BRINP3: variants seen among roughly 807,000 people sequenced by gnomAD.
The protein encoded by BRINP3 is BMP/retinoic acid-inducible neural-specific protein 3.
A neutral mutation model predicts 71.0 loss-of-function variants in BRINP3; 19 were observed. That is an observed-to-expected ratio of 0.27 (90% CI 0.19 to 0.39). The LOEUF is 0.39. BRINP3 is among the 10% of genes least tolerant of loss of function. The probability of loss-of-function intolerance (pLI) is 1.00; values close to 1 mark genes in which losing one functional copy is unlikely to be tolerated. For synonymous variants in BRINP3, 380 were observed against 337.7 expected, an observed-to-expected ratio of 1.13 and a Z score of -1.37; for missense variants, 959 against 940.8, an observed-to-expected ratio of 1.02 and a Z score of -0.25.
chr1:190,142,276 T>C (rs192123291), intron 7 of BRINP3, among the ~76,000 whole-genome samples: 1 of 152,184 alleles, frequency 6.6e-6, no homozygotes, highest in Admixed American at 6.5e-5. Context: ...AACAACATAA[T>C]TGAAGAAACA....
intron 3 of BRINP3, among the ~76,000 whole-genome samples, chr1:190,270,675 G>A (rs1409427295): frequency 2.0e-5 from 3 of 151,582 alleles, no homozygotes; most frequent in Admixed American, 6.6e-5. Flanking sequence ...ATAATGGGAC[G>A]AGTATTCATA....
intron 2 of BRINP3, among the ~76,000 whole-genome samples, chr1:190,350,041 A>T (rs182124489): frequency 6.4e-4 from 97 of 152,220 alleles, no homozygotes; most frequent in African/African-American, 2.2e-3. Context: ...CAGAGGCCAG[A>T]ATTAACATTA....
chr1:190,278,922 T>C (rs1662833056), intron 3 of BRINP3, among the ~76,000 whole-genome samples: 1 of 151,240 alleles, frequency 6.6e-6, no homozygotes, highest in Admixed American at 6.6e-5. Flanking sequence ...ATCCACCATA[T>C]CAACATAGTA....
At chr1:190,330,655 A>G (rs1446994767) in intron 2 of BRINP3, among the ~76,000 whole-genome samples, 3 of 152,052 alleles carry the variant, frequency 2.0e-5, no homozygotes, top group Non-Finnish European at 4.4e-5. Context: ...AAAACAAATC[A>G]TTCCACCAAA....
intron 2 of BRINP3, among the ~76,000 whole-genome samples, chr1:190,283,125 T>A (rs1663167519): frequency 6.6e-6 from 1 of 152,022 alleles, no homozygotes; most frequent in African/African-American, 2.4e-5. Context: ...ATGATCAGAA[T>A]CACTTTTGAA....
intron 7 of BRINP3, among the ~76,000 whole-genome samples, chr1:190,146,319 A>G (rs1655884064): frequency 6.6e-6 from 1 of 152,180 alleles, no homozygotes; most frequent in African/African-American, 2.4e-5. Flanking sequence ...AATTAATATA[A>G]CCTTAAAAGG....
Position 190,381,116 on chromosome 1 carries a change from C to T in BRINP3, c.236+73539G>A, listed in dbSNP as rs184956383. Among the ~76,000 whole-genome samples, 4 of 152,148 alleles carry T rather than the reference C, an allele frequency of 2.6e-5. No individual in the cohort carries two copies. The East Asian group carries it at 7.7e-4, about 29-fold the overall frequency. On this transcript the variant is annotated intron_variant, in intron 2 of 7. Coordinates refer to ENST00000367462, the MANE Select transcript of BRINP3 (RefSeq NM_199051.3). ...GCAGGAGCCTCATCTCTCCCTATACCCCATGATATCATGTTGCCTGACTAT... is the reference window on the plus strand; with the variant it reads ...GCAGGAGCCTCATCTCTCCCTATACTCCATGATATCATGTTGCCTGACTAT...
chr1:190,224,149 G>A (rs1223165046), intron 6 of BRINP3, among the ~76,000 whole-genome samples: 3 of 151,398 alleles, frequency 2.0e-5, no homozygotes, highest in Non-Finnish European at 4.4e-5. Flanking sequence ...TATAAAATAT[G>A]TGCAGGACAT....
At chr1:190,289,537 T>G (rs1464469597) in intron 2 of BRINP3, among the ~76,000 whole-genome samples, 3 of 151,956 alleles carry the variant, frequency 2.0e-5, no homozygotes, top group African/African-American at 7.2e-5. Flanking sequence ...CCCCAAATTA[T>G]AACCTTTCAG....
chr1:190,414,703 C>T (rs1445384116), intron 2 of BRINP3, among the ~76,000 whole-genome samples: 1 of 152,188 alleles, frequency 6.6e-6, no homozygotes, highest in Non-Finnish European at 1.5e-5. Flanking sequence ...GCAACCCAAT[C>T]TGCAGCAAGG....
chr1:190,346,024 G>A (rs923595393), intron 2 of BRINP3, among the ~76,000 whole-genome samples: 1 of 151,896 alleles, frequency 6.6e-6, no homozygotes, highest in Non-Finnish European at 1.5e-5. Flanking sequence ...ATGGAAAATA[G>A]TGACATTTTA....
chr1:190,273,857 A>G (rs192468913), intron 3 of BRINP3, among the ~76,000 whole-genome samples: 2 of 151,666 alleles, frequency 1.3e-5, no homozygotes, highest in African/African-American at 4.8e-5. Flanking sequence ...TAAATCAACA[A>G]TGATAATGTG....
intron 2 of BRINP3, among the ~76,000 whole-genome samples, chr1:190,342,001 C>A (rs1218336260): frequency 2.1e-5 from 2 of 95,528 alleles, no homozygotes. Context: ...ATAGTGGAGG[C>A]CCTATTTCTG....
At chr1:190,255,411 C>A (rs1387859177) in intron 4 of BRINP3, among the ~76,000 whole-genome samples, 1 of 152,020 alleles carries the variant, frequency 6.6e-6, no homozygotes, top group Non-Finnish European at 1.5e-5. Flanking sequence ...TCCATCTGGT[C>A]CTCGACTGTT....
intron 2 of BRINP3, among the ~76,000 whole-genome samples, chr1:190,391,004 C>T (rs1671219826): frequency 6.6e-6 from 1 of 151,786 alleles, no homozygotes; most frequent in African/African-American, 2.4e-5. Context: ...ATGGCTGTGG[C>T]AAATCTATAA....
At chr1:190,307,257 T>C (rs1034595401) in intron 2 of BRINP3, among the ~76,000 whole-genome samples, 8 of 110,938 alleles carry the variant, frequency 7.2e-5, no homozygotes, top group Admixed American at 2.4e-4. Flanking sequence ...TTTAAAACAT[T>C]GTTTTTTTTT....
chr1:190,286,063 A>C (rs1397583919), intron 2 of BRINP3, among the ~76,000 whole-genome samples: 1 of 152,166 alleles, frequency 6.6e-6, no homozygotes, highest in Non-Finnish European at 1.5e-5. Flanking sequence ...TTTTCAAGAC[A>C]CCACTGTGAT....
chr1:190,224,153 A>G (rs901914770), intron 6 of BRINP3, among the ~76,000 whole-genome samples: 1 of 151,738 alleles, frequency 6.6e-6, no homozygotes, highest in Non-Finnish European at 1.5e-5. Flanking sequence ...AAATATGTGC[A>G]GGACATCAAA....
intron 2 of BRINP3, among the ~76,000 whole-genome samples, chr1:190,309,405 T>C (rs1366090988): frequency 6.6e-6 from 1 of 151,884 alleles, no homozygotes; most frequent in Non-Finnish European, 1.5e-5. Flanking sequence ...ATATATTTAA[T>C]ACAATTGACA....
Sources: gnomAD v4.1 joint callset for allele counts (sites outside exome capture counted in the v4.1 genomes callset) on GRCh38, gnomAD v4.1.1 for gene constraint, MANE v1.5 for transcripts, NCBI Gene and HGNC (gene_info 2026-07-23, HGNC 2026-07-21) for gene names.